Variants in MAP2 observed in about 807,000 individuals in gnomAD.
The protein encoded by MAP2 is microtubule-associated protein 2.
In MAP2, 14 loss-of-function variants were observed where a neutral mutation model predicts 137.6. That is an observed-to-expected ratio of 0.10 (90% CI 0.07 to 0.16). MAP2 has a LOEUF of 0.16. Among genes scored for constraint, MAP2 ranks in the 10% least tolerant of loss-of-function variants. MAP2 has a pLI of 1.00. For missense variants in MAP2, 2,088 were observed against 2,191.5 expected (o/e 0.95, Z 0.94); for synonymous variants, 786 against 782.3 (o/e 1.00, Z -0.08).
intron 1 of MAP2, among the ~76,000 whole-genome samples, chr2:209,442,117 C>T (rs1296784870): frequency 1.3e-5 from 2 of 151,538 alleles, no homozygotes; most frequent in Non-Finnish European, 3.0e-5. Flanking sequence ...GTAAGTGCTT[C>T]AGAAAGGCCC....
At chr2:209,451,137 AAG>A (rs1425613502) in intron 1 of MAP2, among the ~76,000 whole-genome samples, 1 of 152,192 alleles carries the variant, frequency 6.6e-6, no homozygotes, top group Non-Finnish European at 1.5e-5. Context: ...ATACTGATAT[AAG>A]ATACACCTAG....
intron 3 of MAP2, among the ~76,000 whole-genome samples, chr2:209,616,843 A>G (rs1293842949): frequency 6.6e-6 from 1 of 152,162 alleles, no homozygotes; most frequent in Non-Finnish European, 1.5e-5. Context: ...AAAGAACACC[A>G]CAGGCTGGGG....
At chr2:209,619,989 G>T (rs1470045981) in intron 3 of MAP2, among the ~76,000 whole-genome samples, 1 of 152,090 alleles carries the variant, frequency 6.6e-6, no homozygotes, top group Non-Finnish European at 1.5e-5. Flanking sequence ...TTCTTTTGCT[G>T]CTGCTGTAAT....
At chr2:209,700,178 A>T (rs2061406423) in intron 10 of MAP2, 99 bp from the exon 11 acceptor site, 3 of 910,878 alleles carry the variant, frequency 3.3e-6, no homozygotes, top group Non-Finnish European at 5.3e-6. Context: ...GCTTTGCATT[A>T]GTCTGTTGAC....
At chr2:209,471,990 C>T (rs1399987588) in intron 1 of MAP2, among the ~76,000 whole-genome samples, 2 of 152,116 alleles carry the variant, frequency 1.3e-5, no homozygotes, top group African/African-American at 4.8e-5. Flanking sequence ...TTCTCCCCAC[C>T]ACCACTTCAT....
chr2:209,694,958 A>G lies in MAP2; in HGVS notation c.2788A>G (p.Ser930Gly), dbSNP rs563631404. Reference sequence around the variant, plus strand: ...AGCCGGAAGAGTCAAAGATGAGTTCAGTGTTGACAAAGAAGCATCCGCGCA... The same window carrying G: ...AGCCGGAAGAGTCAAAGATGAGTTCGGTGTTGACAAAGAAGCATCCGCGCA... The part of the protein sequence containing the change: ...AAAGRVKDEF[S>G]VDKEASAHIS... The change falls in exon 8 of 16, where the codon AGT becomes GGT. Residue 930 changes from serine (S) to glycine (G), a missense_variant. Around this residue, in one of 6 missense-constraint regions of MAP2, gnomAD observed 500 missense variants for 482.9 expected, o/e 1.04. Coordinates refer to ENST00000682079, the MANE Select transcript of MAP2 (RefSeq NM_001375505.1). The G allele has an allele frequency of 5.4e-5, 87 of 1,614,100 alleles. No homozygotes were observed. The highest frequency in any genetic ancestry group is 6.8e-5 in the Non-Finnish European group (80 of 1,180,042).
chr2:209,699,042 G>A (rs2061041875), intron 10 of MAP2, among the ~76,000 whole-genome samples: 2 of 152,118 alleles, frequency 1.3e-5, no homozygotes, highest in Non-Finnish European at 2.9e-5. Flanking sequence ...AACTAATGAA[G>A]ATTTTCCTTT....
intron 1 of MAP2, among the ~76,000 whole-genome samples, chr2:209,445,677 G>A (rs868852425): frequency 4.6e-5 from 7 of 151,564 alleles, no homozygotes; most frequent in Non-Finnish European, 7.4e-5. Context: ...AGAAAATCAT[G>A]TTCTACCAAC....
chr2:209,441,677 G>A (rs1037669047), intron 1 of MAP2, among the ~76,000 whole-genome samples: 14 of 151,680 alleles, frequency 9.2e-5, no homozygotes, highest in South Asian at 6.2e-4. Context: ...CACAAGTCAC[G>A]AATGATGAAG....
chr2:209,516,253 C>T (rs1468443043), intron 2 of MAP2, among the ~76,000 whole-genome samples: 1 of 150,558 alleles, frequency 6.6e-6, no homozygotes, highest in Non-Finnish European at 1.5e-5. Flanking sequence ...ATGGCTTAAA[C>T]TATAAGATAT....
At chr2:209,561,897 C>T (rs2153349349) in intron 2 of MAP2, among the ~76,000 whole-genome samples, 1 of 152,254 alleles carries the variant, frequency 6.6e-6, no homozygotes, top group East Asian at 1.9e-4. Flanking sequence ...TGGCCAGGGA[C>T]TCTTGTAGTT....
Position 209,696,092 on chromosome 2 carries a change from A to G in MAP2, c.3922A>G (p.Ser1308Gly), listed in dbSNP as rs1482354067. ...TGATGAAGGGGAGTCAGGGTCCCAC[A>G]GCGTGCGTTTTGCAGCCCTAGAGCA... Reference protein sequence around the residue: ...TTDEGESGSHSVRFAALEQPE... With the variant: ...TTDEGESGSHGVRFAALEQPE... Residue 1308 changes from serine (S) to glycine (G), a missense_variant, in exon 8 of 16, where the codon AGC (serine) becomes GGC (glycine). By Grantham distance (56) the Ser-to-Gly change is moderately conservative. Coordinates refer to ENST00000682079, the MANE Select transcript of MAP2 (RefSeq NM_001375505.1). 1 of 1,613,964 alleles carries G rather than the reference A, an allele frequency of 6.2e-7. No homozygotes were observed. The highest frequency in any genetic ancestry group is 8.5e-7 in the Non-Finnish European group (1 of 1,180,006).
chr2:209,544,293 TG>T (rs1362766473), intron 2 of MAP2, among the ~76,000 whole-genome samples: 1 of 152,112 alleles, frequency 6.6e-6, no homozygotes. Flanking sequence ...TTTTGTTTTT[TG>T]TTTTTTGTCT....
intron 4 of MAP2, among the ~76,000 whole-genome samples, chr2:209,649,269 G>C (rs1253998791): frequency 6.6e-6 from 1 of 151,924 alleles, no homozygotes; most frequent in Admixed American, 6.6e-5. Context: ...CTCCCACCTC[G>C]ACCTCCCAAA....
chr2:209,449,012 G>A (rs1277675178), intron 1 of MAP2, among the ~76,000 whole-genome samples: 4 of 152,122 alleles, frequency 2.6e-5, no homozygotes, highest in Admixed American at 6.6e-5. Flanking sequence ...CTTTTATAAT[G>A]TCATTGTTAG....
intron 10 of MAP2, 120 bp from the exon 11 acceptor site, chr2:209,700,157 A>G (rs2061400203): frequency 5.7e-6 from 4 of 703,518 alleles, no homozygotes; most frequent in Non-Finnish European, 7.5e-6. Flanking sequence ...TCTCATAATA[A>G]GCAAACTTTT....
intron 12 of MAP2, 31 bp from the exon 13 acceptor site, chr2:209,709,883 G>T: frequency 6.6e-7 from 1 of 1,520,544 alleles, no homozygotes; most frequent in South Asian, 1.2e-5. Context: ...GTCTGACTCT[G>T]GTTTGGTTTT....
chr2:209,442,064 A>G (rs1435804385), intron 1 of MAP2, among the ~76,000 whole-genome samples: 2 of 151,514 alleles, frequency 1.3e-5, no homozygotes, highest in African/African-American at 4.8e-5. Context: ...AAATTTGAGG[A>G]TTTTCACAAA....
intron 4 of MAP2, among the ~76,000 whole-genome samples, chr2:209,631,579 A>T (rs2093055584): frequency 6.6e-6 from 1 of 152,080 alleles, no homozygotes; most frequent in African/African-American, 2.4e-5. Context: ...TGGCAAAAAA[A>T]AAAAAAGTAG....
Sources: gnomAD v4.1 joint callset for allele counts (sites outside exome capture counted in the v4.1 genomes callset) on GRCh38, gnomAD v4.1.1 for gene constraint, gnomAD v4.1.1 regional missense constraint, MANE v1.5 for transcripts, NCBI Gene and HGNC (gene_info 2026-07-23, HGNC 2026-07-21) for gene names.